The following KATNAL2 variants were observed in gnomAD, a reference collection of about 807,000 sequenced individuals.
KATNAL2 encodes the protein katanin catalytic subunit A1 like 2.
A neutral mutation model predicts 76.3 loss-of-function variants in KATNAL2; 52 were observed. That is an observed-to-expected ratio of 0.68 (90% CI 0.55 to 0.86). The LOEUF (loss-of-function observed/expected upper bound fraction) is 0.86, where lower values mean the gene tolerates loss of function less well. KATNAL2 is among the 40% of genes least tolerant of loss of function. The pLI, the probability that KATNAL2 is intolerant of heterozygous loss-of-function variation, is 0.00. For missense variants in KATNAL2, 660 were observed against 668.9 expected (o/e 0.99, Z 0.15); for synonymous variants, 243 against 244.2 (o/e 1.00, Z 0.05).
intron 1 of KATNAL2, chr18:46,920,146 A>G: frequency 8.4e-7 from 1 of 1,183,520 alleles, no homozygotes; most frequent in Non-Finnish European, 1.1e-6. Context: ...GGTAGGTTTG[A>G]CTGCAAAGAG....
At chr18:47,033,318 C>T in intron 3 of KATNAL2, 1 of 1,613,752 alleles carries the variant, frequency 6.2e-7, no homozygotes, top group Non-Finnish European at 8.5e-7. Flanking sequence ...CATAAGGCGT[C>T]TTGGCCACAG....
Position 47,056,117 on chromosome 18 carries a change from G to T in KATNAL2, c.332+1679G>T, listed in dbSNP as rs1029298963. The stretch of plus-strand genomic sequence containing the variant: ...TTGCTGATGAACCAAGGGAGGAAAG[G>T]TTATCTAATGTGATGGATGACAGAA... On this transcript the variant is annotated intron_variant, in intron 6 of 17. Coordinates refer to ENST00000683218, the MANE Select transcript of KATNAL2 (RefSeq NM_001387690.1). Among the ~76,000 whole-genome samples the T allele has an allele frequency of 3.3e-5, 5 of 152,200 alleles. No homozygotes were observed. The East Asian group carries it at 9.6e-4, about 29-fold the overall frequency.
At chr18:46,927,602 A>T (rs4542749) in intron 1 of KATNAL2, among the ~76,000 whole-genome samples, 150,310 of 152,182 alleles carry the variant, frequency 0.99, 74,235 homozygotes, top group East Asian at 1. Flanking sequence ...TGTGGCATTC[A>T]CTGTATTTCC....
At chr18:47,067,308 A>G (rs186124308) in intron 11 of KATNAL2, among the ~76,000 whole-genome samples, 189 bp downstream of exon 11, 1 of 152,314 alleles carries the variant, frequency 6.6e-6, no homozygotes, top group African/African-American at 2.4e-5. Context: ...ATTTAAAATC[A>G]TATTACATAT....
At chr18:46,935,923 A>T (rs11877650) in intron 1 of KATNAL2, among the ~76,000 whole-genome samples, 8,779 of 151,574 alleles carry the variant, frequency 0.058, 306 homozygotes, top group Non-Finnish European at 0.082. Context: ...CTCAAAATTT[A>T]AAAAAAAAGA....
At chr18:47,081,099 T>TA in intron 15 of KATNAL2, among the ~76,000 whole-genome samples, 1 of 151,240 alleles carries the variant, frequency 6.6e-6, no homozygotes, top group Non-Finnish European at 1.5e-5. Flanking sequence ...TCCATCACTT[T>TA]ATCCCTCCCT....
chr18:47,053,945 G>C (rs2061403909), intron 5 of KATNAL2, among the ~76,000 whole-genome samples: 1 of 152,156 alleles, frequency 6.6e-6, no homozygotes, highest in South Asian at 2.1e-4. Flanking sequence ...CATCTAGCAT[G>C]ATACCCAAAT....
intron 1 of KATNAL2, among the ~76,000 whole-genome samples, chr18:46,932,814 G>A (rs2058973118): frequency 6.6e-6 from 1 of 151,828 alleles, no homozygotes; most frequent in African/African-American, 2.4e-5. Context: ...GCCCAGACTG[G>A]AGTGCAATGG....
intron 3 of KATNAL2, among the ~76,000 whole-genome samples, chr18:47,040,126 A>C (rs2060913541): frequency 6.6e-6 from 1 of 152,180 alleles, no homozygotes; most frequent in Admixed American, 6.5e-5. Context: ...AAGACATACT[A>C]CTCCTGGTAC....
chr18:47,074,887 G>A (rs1164024717), intron 13 of KATNAL2, among the ~76,000 whole-genome samples: 2 of 152,162 alleles, frequency 1.3e-5, no homozygotes, highest in East Asian at 1.9e-4. Flanking sequence ...AAGATTAAGG[G>A]AAGAATTATC....
intron 3 of KATNAL2, among the ~76,000 whole-genome samples, chr18:46,960,634 T>A (rs1274816488): frequency 6.6e-6 from 1 of 152,104 alleles, no homozygotes; most frequent in Non-Finnish European, 1.5e-5. Context: ...CTCATAACAT[T>A]TAGAGACATT....
At chr18:47,086,232 G>C (rs2062766121) in intron 15 of KATNAL2, among the ~76,000 whole-genome samples, 1 of 152,110 alleles carries the variant, frequency 6.6e-6, no homozygotes, top group East Asian at 1.9e-4. Context: ...AAACCTTTTG[G>C]AAGACATTAG....
chr18:47,091,729 T>A (rs1408219628), intron 15 of KATNAL2, among the ~76,000 whole-genome samples: 1 of 152,168 alleles, frequency 6.6e-6, no homozygotes, highest in Admixed American at 6.5e-5. Flanking sequence ...TTCCACATCA[T>A]CTACAAGACT....
intron 13 of KATNAL2, among the ~76,000 whole-genome samples, chr18:47,069,808 C>A (rs2061933083): frequency 6.6e-6 from 1 of 152,018 alleles, no homozygotes; most frequent in Admixed American, 6.6e-5. Flanking sequence ...GATCTCCCTT[C>A]CTTTGGGAAT....
At chr18:46,929,963 C>T (rs2058855545) in intron 1 of KATNAL2, among the ~76,000 whole-genome samples, 2 of 152,152 alleles carry the variant, frequency 1.3e-5, no homozygotes, top group Admixed American at 6.5e-5. Flanking sequence ...TTAGTGGAGA[C>T]AGTGTTTCAC....
At chr18:47,051,567 A>G (rs1427220158) in intron 4 of KATNAL2, among the ~76,000 whole-genome samples, 1 of 152,232 alleles carries the variant, frequency 6.6e-6, no homozygotes, top group Non-Finnish European at 1.5e-5. Flanking sequence ...ACTCCATACT[A>G]AAGTTATTAA....
At chr18:46,961,510 CAG>C (rs2146803459) in intron 3 of KATNAL2, among the ~76,000 whole-genome samples, 1 of 152,292 alleles carries the variant, frequency 6.6e-6, no homozygotes, top group South Asian at 2.1e-4. Flanking sequence ...GGGTAATACA[CAG>C]GGGAAGAGCA....
chr18:47,092,238 C>G (rs954715716), intron 15 of KATNAL2, among the ~76,000 whole-genome samples: 1 of 152,186 alleles, frequency 6.6e-6, no homozygotes, highest in Non-Finnish European at 1.5e-5. Context: ...GTGGATCACG[C>G]CTGTAATCCC....
chr18:46,951,393 G>A (rs1344506321), intron 3 of KATNAL2, among the ~76,000 whole-genome samples: 5 of 143,294 alleles, frequency 3.5e-5, no homozygotes, highest in Admixed American at 7.5e-5. Flanking sequence ...AGCTAATCAG[G>A]TAATTTCTAA....
Sources: allele counts gnomAD v4.1 joint callset (sites outside exome capture counted in the v4.1 genomes callset), GRCh38; gene constraint gnomAD v4.1.1; transcripts MANE v1.5; gene names NCBI Gene and HGNC (gene_info 2026-07-23, HGNC 2026-07-21).